Variants in SUZ12 observed in about 807,000 individuals in gnomAD.
SUZ12 encodes polycomb protein SUZ12.
A neutral mutation model predicts 87.3 loss-of-function variants in SUZ12; 17 were observed. That is an observed-to-expected ratio of 0.19 (90% CI 0.13 to 0.29). The LOEUF (loss-of-function observed/expected upper bound fraction) is 0.29. Ranked by LOEUF, SUZ12 falls within the 10% of genes least tolerant of loss-of-function variation. The pLI is 1.00. For synonymous variants in SUZ12, 253 were observed against 312.4 expected (o/e 0.81, Z 2.01); for missense variants, 526 against 912.2 (o/e 0.58, Z 5.45).
At chr17:31,970,163 G>C (rs1250293971) in intron 5 of SUZ12, among the ~76,000 whole-genome samples, 1 of 152,000 alleles carries the variant, frequency 6.6e-6, no homozygotes, top group Non-Finnish European at 1.5e-5. Context: ...AGATTATTTG[G>C]GTACTATTTT....
intron 3 of SUZ12, among the ~76,000 whole-genome samples, chr17:31,944,865 T>C (rs1383380232): frequency 3.9e-5 from 6 of 152,016 alleles, no homozygotes; most frequent in African/African-American, 9.7e-5. Flanking sequence ...GCGAGAGTTA[T>C]AGGTCAGCCC....
chr17:31,996,171 C>T (rs1298347810), intron 14 of SUZ12, among the ~76,000 whole-genome samples: 1 of 152,206 alleles, frequency 6.6e-6, no homozygotes, highest in East Asian at 1.9e-4. Context: ...GATTGCACCA[C>T]TGCACTCCAG....
intron 11 of SUZ12, 137 bp from the exon 12 acceptor site, chr17:31,993,728 C>T: frequency 1.1e-6 from 1 of 908,504 alleles, no homozygotes; most frequent in Non-Finnish European, 1.6e-6. Flanking sequence ...CGTCACTGGG[C>T]ATATTTAATT....
intron 5 of SUZ12, among the ~76,000 whole-genome samples, chr17:31,972,621 G>A (rs535432514): frequency 5.9e-5 from 9 of 152,198 alleles, no homozygotes; most frequent in African/African-American, 1.7e-4. Context: ...TCTGTGTTGC[G>A]CAGGCTGGTC....
chr17:31,968,524 G>C (rs1908228539), intron 5 of SUZ12, among the ~76,000 whole-genome samples: 2 of 152,222 alleles, frequency 1.3e-5, no homozygotes, highest in African/African-American at 4.8e-5. Flanking sequence ...GAGCCACTGA[G>C]ACTGGCCCTA....
chr17:31,948,544 A>G (rs183388304), intron 4 of SUZ12, among the ~76,000 whole-genome samples: 94 of 152,318 alleles, frequency 6.2e-4, no homozygotes, highest in Middle Eastern at 3.4e-3. Flanking sequence ...ATATACACTT[A>G]ATGATGCATC....
intron 8 of SUZ12, among the ~76,000 whole-genome samples, chr17:31,977,479 C>T (rs1024174782): frequency 2.0e-5 from 3 of 152,040 alleles, no homozygotes; most frequent in East Asian, 1.9e-4. Context: ...CGGGTTTCAC[C>T]GTGTTAGCCA....
chr17:31,991,006 C>A (rs1160038209), intron 10 of SUZ12, among the ~76,000 whole-genome samples: 2 of 152,168 alleles, frequency 1.3e-5, no homozygotes, highest in Admixed American at 1.3e-4. Flanking sequence ...CTTAGCATCC[C>A]AAAGTACTGG....
At chr17:31,989,151 C>CTG (rs1237869866) in intron 10 of SUZ12, among the ~76,000 whole-genome samples, 1 of 152,034 alleles carries the variant, frequency 6.6e-6, no homozygotes, top group Non-Finnish European at 1.5e-5. Flanking sequence ...TCTCCATCTT[C>CTG]TGACCTCATG....
rs1337071542 is a variant in SUZ12, at chr17:31,937,218, G to A, written c.-29G>A. 2 of 1,399,024 alleles carry A rather than the reference G, an allele frequency of 1.4e-6. No homozygotes were observed. Among genetic ancestry groups the A allele is most frequent in the Non-Finnish European group, 1.8e-6 (2 of 1,087,456 alleles). The allele number at this position is 1,399,024 out of a possible 1,614,324, so 86.7% of individuals were successfully genotyped here. Reference sequence around the variant, plus strand: ...GCTCTCCGGGGCCGCCCGGCGGGTAGCTGGCGGGGGGAGGAGGCAGGAACC... The same window carrying A: ...GCTCTCCGGGGCCGCCCGGCGGGTAACTGGCGGGGGGAGGAGGCAGGAACC... On this transcript the variant is annotated 5_prime_UTR_variant, in exon 1 of 16. Transcript: ENST00000322652.
chr17:31,999,231 A>T lies in SUZ12; in HGVS notation c.*228A>T, dbSNP rs1170013762. ...CATTAAAACATTCTGTACTTTAAGC[A>T]TGAAAAGCAATATTTCAAAGTATTT... On this transcript the variant is annotated 3_prime_UTR_variant, in exon 16 of 16. Coordinates refer to ENST00000322652, the MANE Select transcript of SUZ12 (RefSeq NM_015355.4). 3.0e-6 allele frequency: 1 copy of T among 338,344 alleles called. No homozygotes were observed. The highest frequency in any genetic ancestry group is 4.4e-5 in the East Asian group (1 of 22,726). The allele number at this position is 338,344 out of a possible 1,614,324, so 21.0% of individuals were successfully genotyped here.
At chr17:31,963,454 C>T (rs1907865559) in intron 4 of SUZ12, among the ~76,000 whole-genome samples, 2 of 151,670 alleles carry the variant, frequency 1.3e-5, no homozygotes, top group South Asian at 4.2e-4. Context: ...CCACCACGCC[C>T]AGCTGATACT....
At chr17:31,943,043 T>C (rs918985327) in intron 3 of SUZ12, among the ~76,000 whole-genome samples, 1 of 152,266 alleles carries the variant, frequency 6.6e-6, no homozygotes, top group Non-Finnish European at 1.5e-5. Context: ...TCTTGTATTT[T>C]GAAGGATTGA....
At chr17:31,949,178 G>A (rs1423557558) in intron 4 of SUZ12, among the ~76,000 whole-genome samples, 2 of 152,124 alleles carry the variant, frequency 1.3e-5, no homozygotes, top group African/African-American at 2.4e-5. Flanking sequence ...GTGACATTGG[G>A]TTTGAAATTA....
intron 5 of SUZ12, among the ~76,000 whole-genome samples, chr17:31,972,364 T>G (rs951847191): frequency 7.0e-6 from 1 of 142,548 alleles, no homozygotes; most frequent in Admixed American, 7.0e-5. Context: ...TATATGTGTA[T>G]GTATGTGTGT....
intron 8 of SUZ12, among the ~76,000 whole-genome samples, chr17:31,978,088 A>G (rs979696529): frequency 3.9e-5 from 6 of 152,114 alleles, no homozygotes; most frequent in African/African-American, 1.4e-4. Context: ...GGAGAAAGAA[A>G]CCTATGCCGT....
At chr17:31,949,705 T>TTTTTTTTTTTTTTTTTTTAGTA (rs1367680305) in intron 4 of SUZ12, among the ~76,000 whole-genome samples, 1 of 96,504 alleles carries the variant, frequency 1.0e-5, no homozygotes, top group African/African-American at 4.1e-5. Flanking sequence ...TTTTTTTTTT[T>TTTTTTTTTTTTTTTTTTTAGTA]GAGACCAAGT....
intron 9 of SUZ12, among the ~76,000 whole-genome samples, chr17:31,987,939 CAAAA>C (rs56315304): frequency 7.8e-6 from 1 of 128,718 alleles, no homozygotes; most frequent in Non-Finnish European, 1.7e-5. Context: ...AACTCCATCT[CAAAA>C]AAAAAAAAAG....
intron 15 of SUZ12, 54 bp from the exon 16 acceptor site, chr17:31,998,604 G>A (rs1199960546): frequency 1.5e-6 from 2 of 1,299,920 alleles, no homozygotes; most frequent in African/African-American, 1.5e-5. Flanking sequence ...TATCACTGTT[G>A]CATTTGACAA....
Sources: allele counts gnomAD v4.1 joint callset (sites outside exome capture counted in the v4.1 genomes callset), GRCh38; gene constraint gnomAD v4.1.1; transcripts MANE v1.5; gene names NCBI Gene and HGNC (gene_info 2026-07-23, HGNC 2026-07-21).